The following ASIP variants were observed in gnomAD, a reference collection of about 807,000 sequenced individuals.
ASIP encodes the protein agouti signaling protein.
In ASIP, 11 loss-of-function variants were observed where a neutral mutation model predicts 10.3. The ratio of observed to expected loss-of-function variants is 1.07; its 90% CI spans 0.68 to 1.78. ASIP has a LOEUF of 1.78. Ranked by LOEUF, ASIP falls within the 40% of genes most tolerant of loss-of-function variation. The pLI is 0.00. For missense variants in ASIP, 180 were observed against 169.2 expected (o/e 1.06, Z -0.35); for synonymous variants, 70 against 70.8 (o/e 0.99, Z 0.06).
chr20:34,232,964 C>T (rs185312418), intron 1 of ASIP, among the ~76,000 whole-genome samples: 1 of 152,250 alleles, frequency 6.6e-6, no homozygotes, highest in Admixed American at 6.5e-5. Flanking sequence ...CCCTACCTCT[C>T]CACACTTCCT....
chr20:34,215,430 C>A, intron 1 of ASIP: 1 of 1,532,404 alleles, frequency 6.5e-7, no homozygotes. Context: ...CATCACGATC[C>A]ACCAACTCTG....
At chr20:34,215,630 T>G in intron 1 of ASIP, 2 of 1,484,232 alleles carry the variant, frequency 1.3e-6, no homozygotes, top group Non-Finnish European at 9.4e-7. Context: ...CATCTGAGCT[T>G]GCAGCCATGA....
intron 1 of ASIP, among the ~76,000 whole-genome samples, chr20:34,206,513 G>A (rs2034938012): frequency 6.6e-6 from 1 of 152,140 alleles, no homozygotes; most frequent in Non-Finnish European, 1.5e-5. Flanking sequence ...GCAAATGACA[G>A]AATTTCATTC....
At chr20:34,260,008 T>G (rs990808863) in intron 1 of ASIP, among the ~76,000 whole-genome samples, 1 of 151,924 alleles carries the variant, frequency 6.6e-6, no homozygotes, top group Non-Finnish European at 1.5e-5. Flanking sequence ...TGGGGGCCTT[T>G]CAACAACTCT....
chr20:34,196,126 A>C (rs949748640), intron 1 of ASIP, among the ~76,000 whole-genome samples: 12 of 152,080 alleles, frequency 7.9e-5, no homozygotes, highest in African/African-American at 2.7e-4. Flanking sequence ...AGTTGGGCAA[A>C]AGAGATAAGG....
chr20:34,199,319 A>G (rs951233244), intron 1 of ASIP, among the ~76,000 whole-genome samples: 2 of 152,164 alleles, frequency 1.3e-5, no homozygotes, highest in African/African-American at 2.4e-5. Flanking sequence ...TTTAAAGAAC[A>G]TATGAGTGCA....
At chr20:34,213,875 C>G in intron 1 of ASIP, 1 of 1,565,466 alleles carries the variant, frequency 6.4e-7, no homozygotes, top group Non-Finnish European at 8.8e-7. Flanking sequence ...TTGCTGAAAG[C>G]TTTACTAGTT....
upstream of ASIP, among the ~76,000 whole-genome samples, chr20:34,236,613 G>A (rs767249536): frequency 6.6e-6 from 1 of 152,090 alleles, no homozygotes; most frequent in African/African-American, 2.4e-5. Flanking sequence ...CACTTTGGGA[G>A]TCTGGGGTGG....
chr20:34,226,358 A>C (rs1006422900), intron 1 of ASIP, among the ~76,000 whole-genome samples: 3 of 150,674 alleles, frequency 2.0e-5, no homozygotes, highest in Admixed American at 6.6e-5. Flanking sequence ...TTTTTTTTTA[A>C]CTTTTTTATT....
chr20:34,249,207 C>T (rs2035432419), intron 1 of ASIP, among the ~76,000 whole-genome samples: 1 of 151,970 alleles, frequency 6.6e-6, no homozygotes, highest in African/African-American at 2.4e-5. Flanking sequence ...AAGTAACTTG[C>T]CAGAAGTCAC....
At chr20:34,216,130 G>A (rs528465241) in intron 1 of ASIP, among the ~76,000 whole-genome samples, 35 of 152,360 alleles carry the variant, frequency 2.3e-4, no homozygotes, top group Admixed American at 8.5e-4. Flanking sequence ...GGAGTTGGCC[G>A]GGACTGCACG....
rs763741682 is a variant in ASIP at position 34,269,022 on chromosome 20, C to T, written c.254C>T (p.Pro85Leu). 1.2e-6 allele frequency: 2 copies of T among 1,608,052 alleles called. No individual in the cohort carries two copies. Among genetic ancestry groups the T allele is most frequent in the African/African-American group, 1.3e-5 (1 of 74,822 alleles). ...GCTTCGATGAAGAAAGTGGTGCGGC[C>T]CCGGACCCCCCTATCTGCGCCCTGC... ...KEASMKKVVR[P>L]RTPLSAPCVA... The change falls in exon 4 of 4, where the codon CCC becomes CTC. Residue 85 changes from proline to leucine, a missense_variant. Transcript: ENST00000374954.
intron 1 of ASIP, among the ~76,000 whole-genome samples, chr20:34,245,105 G>A (rs1189155685): frequency 6.6e-5 from 10 of 152,006 alleles, no homozygotes; most frequent in Admixed American, 1.3e-4. Context: ...GGAGGCCAAG[G>A]TGGGCAAATC....
intron 1 of ASIP, chr20:34,246,400 A>G: frequency 7.2e-7 from 1 of 1,381,256 alleles, no homozygotes; most frequent in Non-Finnish European, 1.0e-6. Context: ...GAGCAACATC[A>G]GGCATATATT....
chr20:34,253,400 C>T (rs1411112066), intron 1 of ASIP, among the ~76,000 whole-genome samples: 2 of 151,356 alleles, frequency 1.3e-5, no homozygotes, highest in African/African-American at 4.8e-5. Flanking sequence ...GCCACCGCGC[C>T]CAGCCTGATC....
At chr20:34,254,578 T>C (rs1168177294) in intron 1 of ASIP, among the ~76,000 whole-genome samples, 1 of 152,208 alleles carries the variant, frequency 6.6e-6, no homozygotes, top group Admixed American at 6.5e-5. Context: ...CCCGAATTGA[T>C]GTGAATCAAT....
upstream of ASIP, among the ~76,000 whole-genome samples, chr20:34,193,981 A>G (rs2034839521): frequency 6.6e-6 from 1 of 152,196 alleles, no homozygotes; most frequent in South Asian, 2.1e-4. Context: ...TCCTGAGGTT[A>G]CCTCTTCCCA....
At position 34,213,768 on chromosome 20, in the gene ASIP, A is replaced by T. The variant is rs922520345; in HGVS notation, c.-11+19008A>T. 1.3e-5 allele frequency: 19 copies of T among 1,507,562 alleles called. No individual in the cohort carries two copies. In the African/African-American group the frequency reaches 2.6e-4, roughly 21 times the overall value. 93.4% of individuals were successfully genotyped at this position (1,507,562 alleles called of 1,614,324 possible). On this transcript the variant is annotated intron_variant, in intron 1 of 3. Coordinates refer to the ASIP transcript ENST00000568305. Reference sequence around the variant, plus strand: ...GGAAAGTACAGACTCCACTTCTGAGAATACCCTTTTGTAAGGGACAACTGA... The same window carrying T: ...GGAAAGTACAGACTCCACTTCTGAGTATACCCTTTTGTAAGGGACAACTGA...
intron 1 of ASIP, among the ~76,000 whole-genome samples, chr20:34,196,173 C>CTTTTTTTT (rs34524786): frequency 2.4e-5 from 2 of 83,704 alleles, no homozygotes; most frequent in African/African-American, 4.9e-5. Context: ...AGGGAGATTT[C>CTTTTTTTT]TTTTTTTTTT....
Sources: gnomAD v4.1 joint callset for allele counts (sites outside exome capture counted in the v4.1 genomes callset) on GRCh38, gnomAD v4.1.1 for gene constraint, MANE v1.5 for transcripts, NCBI Gene and HGNC (gene_info 2026-07-23, HGNC 2026-07-21) for gene names.